The following ADCY1 variants were observed in gnomAD, a reference collection of about 807,000 sequenced individuals.
ADCY1 encodes the protein adenylate cyclase 1.
A neutral mutation model predicts 105.4 loss-of-function variants in ADCY1; 28 were observed. The ratio of observed to expected loss-of-function variants is 0.27; its 90% CI spans 0.20 to 0.36. The LOEUF (loss-of-function observed/expected upper bound fraction) is 0.36. Ranked by LOEUF, ADCY1 falls within the 10% of genes least tolerant of loss-of-function variation. ADCY1 has a pLI of 1.00. For missense variants in ADCY1, 977 were observed against 1,434.2 expected, an observed-to-expected ratio of 0.68 and a Z score of 5.15; for synonymous variants, 655 against 623.8, an observed-to-expected ratio of 1.05 and a Z score of -0.75.
intron 14 of ADCY1, among the ~76,000 whole-genome samples, chr7:45,688,183 A>G (rs1784723106): frequency 6.6e-6 from 1 of 152,100 alleles, no homozygotes; most frequent in Admixed American, 6.5e-5. Context: ...AATTCCAGCA[A>G]CTCCATGTAG....
chr7:45,632,630 C>T lies in ADCY1; in HGVS notation c.1020+9887C>T, dbSNP rs911333136. Among the ~76,000 whole-genome samples, 7 of 151,782 alleles carry T rather than the reference C, an allele frequency of 4.6e-5. No homozygotes were observed. The East Asian group carries it at 1.2e-3, about 25-fold the overall frequency. ...TCAGGCTGGAGTGTAGTGGTGTGAT[C>T]ACAGGTCATTGCAGCCTCCACCTCC... On this transcript the variant is annotated intron_variant, in intron 4 of 19. Transcript: ENST00000297323.
chr7:45,601,277 G>A (rs1793228007), intron 2 of ADCY1, among the ~76,000 whole-genome samples: 1 of 152,152 alleles, frequency 6.6e-6, no homozygotes, highest in African/African-American at 2.4e-5. Flanking sequence ...ACTGCATGTG[G>A]CAGGAGGCAG....
intron 2 of ADCY1, among the ~76,000 whole-genome samples, chr7:45,602,613 A>G (rs561776662): frequency 6.6e-6 from 1 of 152,362 alleles, no homozygotes; most frequent in African/African-American, 2.4e-5. Flanking sequence ...TAAGTGATGC[A>G]GTATGGATTT....
At chr7:45,687,993 T>G (rs554462034) in intron 14 of ADCY1, among the ~76,000 whole-genome samples, 2 of 152,216 alleles carry the variant, frequency 1.3e-5, no homozygotes, top group African/African-American at 4.8e-5. Context: ...CAGGACCAGC[T>G]GAGAGCTCAC....
At chr7:45,697,195 C>T (rs950895064) in intron 14 of ADCY1, among the ~76,000 whole-genome samples, 11 of 152,128 alleles carry the variant, frequency 7.2e-5, no homozygotes, top group African/African-American at 2.4e-4. Context: ...AGGACTCTCA[C>T]AGGGCCTTCA....
intron 4 of ADCY1, among the ~76,000 whole-genome samples, chr7:45,646,610 C>T (rs1168455507): frequency 6.6e-6 from 1 of 152,208 alleles, no homozygotes; most frequent in East Asian, 1.9e-4. Context: ...GGAAACAGCA[C>T]TGTGGGGCCA....
chr7:45,655,670 G>T (rs1435091752), intron 5 of ADCY1, among the ~76,000 whole-genome samples: 5 of 152,292 alleles, frequency 3.3e-5, no homozygotes, highest in African/African-American at 1.2e-4. Context: ...GGAGAGTATT[G>T]GTAGAACATG....
At chr7:45,685,456 G>T (rs1784653022) in intron 12 of ADCY1, among the ~76,000 whole-genome samples, 1 of 151,594 alleles carries the variant, frequency 6.6e-6, no homozygotes, top group African/African-American at 2.4e-5. Context: ...GTTTGTAGTG[G>T]GAGTAACAGG....
intron 1 of ADCY1, among the ~76,000 whole-genome samples, chr7:45,579,470 A>C: frequency 3.4e-5 from 5 of 145,884 alleles, no homozygotes; most frequent in Admixed American, 6.8e-5. Flanking sequence ...GCTGGCCCCT[A>C]CTCCCCCACG....
chr7:45,689,201 T>C (rs576735653), intron 14 of ADCY1, among the ~76,000 whole-genome samples: 1 of 152,098 alleles, frequency 6.6e-6, no homozygotes, highest in South Asian at 2.1e-4. Context: ...TGTGGTGCGC[T>C]CACTGTCAGC....
At chr7:45,693,215 G>A (rs888998181) in intron 14 of ADCY1, among the ~76,000 whole-genome samples, 7 of 151,844 alleles carry the variant, frequency 4.6e-5, no homozygotes, top group Admixed American at 1.3e-4. Context: ...GCTTTTTGAT[G>A]TGCTGCTGGA....
At chr7:45,663,042 G>A (rs1157030160) in intron 8 of ADCY1, among the ~76,000 whole-genome samples, 2 of 152,240 alleles carry the variant, frequency 1.3e-5, no homozygotes, top group Admixed American at 6.5e-5. Context: ...TGGCAGGCAG[G>A]TAGTCTCTGC....
At chr7:45,593,993 A>G (rs535792692) in intron 2 of ADCY1, among the ~76,000 whole-genome samples, 1 of 152,258 alleles carries the variant, frequency 6.6e-6, no homozygotes, top group South Asian at 2.1e-4. Flanking sequence ...GTGGAGATGC[A>G]TGTGTGGATA....
rs1243160900 is a variant in ADCY1, at chr7:45,678,168, C to T, written c.1803C>T (p.Tyr601=). ...GGATTGACTTCTCTCTTACACAGTACCACCAGCTTCAGGACGAGTATTTCA... is the reference window on the plus strand; with the variant it reads ...GGATTGACTTCTCTCTTACACAGTATCACCAGCTTCAGGACGAGTATTTCA... ...KYKHVEREQK[Y]HQLQDEYFTS... The change falls in exon 10 of 20, where the codon TAC becomes TAT. Residue 601 remains tyrosine, a splice_region_variant and synonymous_variant. Coordinates refer to ENST00000297323, the MANE Select transcript of ADCY1 (RefSeq NM_021116.4). 3.1e-6 allele frequency: 5 copies of T among 1,614,192 alleles called. No individual in the cohort carries two copies. Among genetic ancestry groups the T allele is most frequent in the Middle Eastern group, 1.6e-4 (1 of 6,062 alleles).
At chr7:45,649,492 G>A (rs913236154) in intron 5 of ADCY1, among the ~76,000 whole-genome samples, 1 of 152,206 alleles carries the variant, frequency 6.6e-6, no homozygotes, top group Non-Finnish European at 1.5e-5. Context: ...CAGGGATTGG[G>A]GCATAGCTTC....
chr7:45,662,770 C>T (rs1011746536), intron 8 of ADCY1, among the ~76,000 whole-genome samples: 1 of 152,218 alleles, frequency 6.6e-6, no homozygotes, highest in Non-Finnish European at 1.5e-5. Flanking sequence ...CAGTCTCCAC[C>T]TCTGACCCCT....
intron 5 of ADCY1, among the ~76,000 whole-genome samples, chr7:45,649,683 G>A (rs986303615): frequency 6.6e-6 from 1 of 152,238 alleles, no homozygotes; most frequent in Non-Finnish European, 1.5e-5. Context: ...CCTGCAGACA[G>A]TGTGACTGGA....
In ADCY1 at chr7:45,610,371, C is replaced by T. The variant is rs771423002; in HGVS notation, c.790-8C>T. On this transcript the variant is annotated splice_region_variant and splice_polypyrimidine_tract_variant and intron_variant, in intron 2 of 19. Coordinates refer to ENST00000297323, the MANE Select transcript of ADCY1 (RefSeq NM_021116.4). ...GCTGTCTAACCCGGGCCCTTCTCTT[C>T]TGTCCAGGAGCGGCTCCTCATGAGC... The T allele has an allele frequency of 1.1e-5, 17 of 1,612,624 alleles. No individual in the cohort carries two copies. In the East Asian group the frequency reaches 3.8e-4, roughly 36 times the overall value.
intron 3 of ADCY1, among the ~76,000 whole-genome samples, chr7:45,615,685 G>C: frequency 6.6e-6 from 1 of 152,032 alleles, no homozygotes; most frequent in East Asian, 1.9e-4. Flanking sequence ...CAAACTTATG[G>C]GATGGAACAG....
Sources: gnomAD v4.1 joint callset for allele counts (sites outside exome capture counted in the v4.1 genomes callset) on GRCh38, gnomAD v4.1.1 for gene constraint, MANE v1.5 for transcripts, NCBI Gene and HGNC (gene_info 2026-07-23, HGNC 2026-07-21) for gene names.